The following GZMA variants were observed in gnomAD, a reference collection of about 807,000 sequenced individuals.
The protein encoded by GZMA is granzyme A.
A neutral mutation model predicts 21.1 loss-of-function variants in GZMA; 17 were observed. That is an observed-to-expected ratio of 0.81 (90% CI 0.55 to 1.21). The LOEUF is 1.21. GZMA is among the 50% of genes most tolerant of loss of function. GZMA has a pLI of 0.00. For synonymous variants in GZMA, 90 were observed against 107.8 expected (o/e 0.83, Z 1.03); for missense variants, 306 against 315.9 (o/e 0.97, Z 0.24).
intron 1 of GZMA, 93 bp from the exon 2 acceptor site, chr5:55,105,381 G>A (rs1288322764): frequency 2.8e-6 from 3 of 1,087,870 alleles, no homozygotes; most frequent in Non-Finnish European, 4.0e-6. Flanking sequence ...TCCTCTCTGA[G>A]TGCAAAAAGC....
chr5:55,109,348 G>A (rs915266030), intron 4 of GZMA, among the ~76,000 whole-genome samples: 6 of 152,022 alleles, frequency 3.9e-5, no homozygotes, highest in Admixed American at 1.3e-4. Context: ...CTAAGGCCAC[G>A]GCAGCATCCC....
At chr5:55,103,384 C>A (rs909776593) in intron 1 of GZMA, among the ~76,000 whole-genome samples, 1 of 152,206 alleles carries the variant, frequency 6.6e-6, no homozygotes, top group Admixed American at 6.5e-5. Context: ...AGGCGTGAGG[C>A]CAGTTCCCTC....
intron 2 of GZMA, among the ~76,000 whole-genome samples, chr5:55,106,190 T>A (rs868779526): frequency 2.5e-3 from 2 of 812 alleles, no homozygotes; most frequent in Non-Finnish European, 3.0e-3. Context: ...AAAAATAAAA[T>A]AAAATAAAAT....
chr5:55,106,262 T>TA (rs11373448), intron 2 of GZMA, among the ~76,000 whole-genome samples: 69 of 502 alleles, frequency 0.14, 32 homozygotes, highest in African/African-American at 0.26. Flanking sequence ...TAAAATAAAA[T>TA]AAATAAAATA....
chr5:55,110,249 T>C lies in GZMA; in HGVS notation c.*67T>C. The C allele has an allele frequency of 2.5e-6, 3 of 1,213,084 alleles. No individual in the cohort carries two copies. The highest frequency in any genetic ancestry group is 3.5e-6 in the Non-Finnish European group (3 of 865,188). The allele number at this position is 1,213,084 out of a possible 1,614,324, so 75.1% of individuals were successfully genotyped here. A position where few individuals can be genotyped will look rare whatever the true frequency, so the allele number is the denominator to read the frequency against. Reference sequence around the variant, plus strand: ...CACAAATAAAATCAATTTGCATGACTGTACCTGTTTCTCTCTTGTAACCTT... The same window carrying C: ...CACAAATAAAATCAATTTGCATGACCGTACCTGTTTCTCTCTTGTAACCTT... On this transcript the variant is annotated 3_prime_UTR_variant, in exon 5 of 5. Coordinates refer to ENST00000274306, the MANE Select transcript of GZMA (RefSeq NM_006144.4).
chr5:55,107,655 G>T, intron 2 of GZMA, 139 bp from the exon 3 acceptor site: 1 of 519,594 alleles, frequency 1.9e-6, no homozygotes. Context: ...ATTCTTTAAA[G>T]CACACATTTT....
chr5:55,107,258 A>T (rs1742431363), intron 2 of GZMA, among the ~76,000 whole-genome samples: 1 of 152,166 alleles, frequency 6.6e-6, no homozygotes, highest in Admixed American at 6.5e-5. Flanking sequence ...TCAGACCACC[A>T]TCCCTTCAAC....
At position 55,110,130 on chromosome 5, in the gene GZMA, T is replaced by C. The variant is rs1461181520; in HGVS notation, c.737T>C (p.Leu246Pro). Reference sequence around the variant, plus strand: ...CGTGGGCCTGGTGTCTATATTCTTCTCTCAAAGAAACACCTCAACTGGATA... The same window carrying C: ...CGTGGGCCTGGTGTCTATATTCTTCCCTCAAAGAAACACCTCAACTGGATA... ...DPRGPGVYIL[L>P]SKKHLNWIIM... Residue 246 changes from leucine to proline, a missense_variant, in exon 5 of 5, where the codon CTC (leucine) becomes CCC (proline). By Grantham distance (98) the Leu-to-Pro change is moderately conservative. Transcript: ENST00000274306. 2 of 1,611,532 alleles carry C rather than the reference T, an allele frequency of 1.2e-6. No homozygotes were observed. Among genetic ancestry groups the C allele is most frequent in the South Asian group, 1.1e-5 (1 of 90,796 alleles).
At chr5:55,105,431 T>C (rs766911894) in intron 1 of GZMA, 43 bp from the exon 2 acceptor site, 1 of 1,580,374 alleles carries the variant, frequency 6.3e-7, no homozygotes, top group African/African-American at 1.4e-5. Flanking sequence ...TAGAGCTCTT[T>C]GGGGGTGAGC....
rs1241996122 is a variant in GZMA at position 55,106,335 on chromosome 5, TAAATA to T, written c.215+730_215+734del. Among the ~76,000 whole-genome samples the T allele has an allele frequency of 3.9e-4, 51 of 129,506 alleles. 2 individuals carry two copies. The highest frequency in any genetic ancestry group is 1.6e-3 in the African/African-American group (47 of 28,578). The allele number at this position is 129,506 out of a possible 152,430, so 85.0% of individuals were successfully genotyped here. A position where few individuals can be genotyped will look rare whatever the true frequency, so the allele number is the denominator to read the frequency against. Reference sequence around the variant, plus strand: ...AAATAAAATATAAAATAAAATAAAATAAATAAAATAAAATAAAGTAGATCCCACTG... The same window carrying T: ...AAATAAAATATAAAATAAAATAAAATAAATAAAATAAAGTAGATCCCACTG... On this transcript the variant is annotated intron_variant, in intron 2 of 4. Transcript: ENST00000274306.
rs760401383 is a variant in GZMA, at chr5:55,107,911, C to G, written c.333C>G (p.Arg111=). 6.2e-7 allele frequency: 1 copy of G among 1,613,040 alleles called. No homozygotes were observed. The highest frequency in any genetic ancestry group is 8.5e-7 in the Non-Finnish European group (1 of 1,179,104). ...FPYPCYDPAT[R]EGDLKLLQLM... The stretch of plus-strand genomic sequence containing the variant: ...ATCCATGCTATGACCCAGCCACACG[C>G]GAAGGTGACCTTAAACTTTTACAGG... Residue 111 remains arginine (R), a synonymous_variant, in exon 3 of 5, where the codon CGC becomes CGG. Transcript: ENST00000274306.
rs1284339068 is a variant in GZMA, at chr5:55,102,654, A to C, written c.-29A>C. 2 of 1,421,966 alleles carry C rather than the reference A, an allele frequency of 1.4e-6. No homozygotes were observed. Among genetic ancestry groups the C allele is most frequent in the African/African-American group, 1.4e-5 (1 of 71,118 alleles). 88.1% of individuals were successfully genotyped at this position (1,421,966 alleles called of 1,614,324 possible). On this transcript the variant is annotated 5_prime_UTR_variant, in exon 1 of 5. Coordinates refer to ENST00000274306, the MANE Select transcript of GZMA (RefSeq NM_006144.4). ...AGTTAAGAACTGAAAACAGATTTTCAGGTTGATTGATGTGGGACAGCAGCC... is the reference window on the plus strand; with the variant it reads ...AGTTAAGAACTGAAAACAGATTTTCCGGTTGATTGATGTGGGACAGCAGCC...
intron 4 of GZMA, among the ~76,000 whole-genome samples, chr5:55,109,324 C>A (rs928047379): frequency 6.6e-6 from 1 of 152,192 alleles, no homozygotes. Flanking sequence ...CTTTTGGAAC[C>A]CACATGCAGC....
At chr5:55,107,241 C>A (rs1298155770) in intron 2 of GZMA, among the ~76,000 whole-genome samples, 1 of 152,028 alleles carries the variant, frequency 6.6e-6, no homozygotes, top group Non-Finnish European at 1.5e-5. Context: ...ACTCCTGGAC[C>A]CCTCCTTCAG....
chr5:55,105,662 A>G lies in GZMA; in HGVS notation c.215+44A>G, dbSNP rs925972548. ...AAAAAAAAGTTTGTAAAGATACTCT[A>G]ATTTGGGGAAACATTAATAAAAAGA... On this transcript the variant is annotated intron_variant, in intron 2 of 4. Transcript: ENST00000274306. 2.4e-5 allele frequency: 37 copies of G among 1,534,790 alleles called. No homozygotes were observed. In the East Asian group the frequency reaches 8.3e-4, roughly 35 times the overall value.
intron 4 of GZMA, 94 bp downstream of exon 4, chr5:55,108,488 C>A: frequency 9.9e-7 from 1 of 1,010,814 alleles, no homozygotes; most frequent in Non-Finnish European, 1.5e-6. Context: ...ATGGCACTGG[C>A]TTCTACAGGA....
intron 2 of GZMA, among the ~76,000 whole-genome samples, chr5:55,105,832 C>T (rs994505199): frequency 1.6e-4 from 25 of 151,540 alleles, no homozygotes; most frequent in Admixed American, 3.3e-4. Flanking sequence ...ATTAGCCAGG[C>T]GTGGTGGCGC....
chr5:55,102,667 T>A lies in GZMA; in HGVS notation c.-16T>A, dbSNP rs769576769. 2 of 1,563,908 alleles carry A rather than the reference T, an allele frequency of 1.3e-6. No individual in the cohort carries two copies. The highest frequency in any genetic ancestry group is 1.8e-6 in the Non-Finnish European group (2 of 1,134,368). On this transcript the variant is annotated 5_prime_UTR_variant, in exon 1 of 5. Transcript: ENST00000274306. ...AAACAGATTTTCAGGTTGATTGATG[T>A]GGGACAGCAGCCACAATGAGGAACT...
At chr5:55,105,694 C>CATTAAAAAAAA (rs1742375532) in intron 2 of GZMA, 76 bp downstream of exon 2, 2 of 1,307,202 alleles carry the variant, frequency 1.5e-6, no homozygotes, top group Non-Finnish European at 2.2e-6. Context: ...AAGAGTAGGC[C>CATTAAAAAAAA]GGGCACAGTG....
Sources: gnomAD v4.1 joint callset for allele counts (sites outside exome capture counted in the v4.1 genomes callset) on GRCh38, gnomAD v4.1.1 for gene constraint, MANE v1.5 for transcripts, NCBI Gene and HGNC (gene_info 2026-07-23, HGNC 2026-07-21) for gene names.